Variants in INO80C observed in about 807,000 individuals in gnomAD.
INO80C encodes IES6 homolog.
A neutral mutation model predicts 17.7 loss-of-function variants in INO80C; 17 were observed. The observed-to-expected ratio is 0.96, with a 90% CI of 0.66 to 1.44. The LOEUF is 1.44. INO80C is among the 40% of genes most tolerant of loss of function. INO80C has a pLI of 0.00. For missense variants in INO80C, 244 were observed against 245.0 expected (o/e 1.00, Z 0.03); for synonymous variants, 96 against 95.8 (o/e 1.00, Z -0.01).
intron 3 of INO80C, among the ~76,000 whole-genome samples, chr18:35,478,748 C>T (rs1203868338): frequency 1.3e-5 from 2 of 152,218 alleles, no homozygotes; most frequent in East Asian, 3.8e-4. Context: ...ATGACTAGCT[C>T]ACTTGTCACC....
chr18:35,477,194 A>C (rs1160535663), intron 4 of INO80C, among the ~76,000 whole-genome samples: 1 of 152,244 alleles, frequency 6.6e-6, no homozygotes, highest in Non-Finnish European at 1.5e-5. Flanking sequence ...GAGTGAGCCA[A>C]GAGCGTGCCA....
intron 1 of INO80C, among the ~76,000 whole-genome samples, chr18:35,481,559 T>C (rs1217246494): frequency 6.6e-6 from 1 of 152,212 alleles, no homozygotes; most frequent in Non-Finnish European, 1.5e-5. Flanking sequence ...GCATGTACTC[T>C]AGTGTCTGGA....
rs750655399 is a variant in INO80C, at chr18:35,468,738, T to C, written c.452A>G (p.Asn151Ser). The C allele has an allele frequency of 6.2e-6, 10 of 1,613,842 alleles. No homozygotes were observed. The East Asian group carries it at 1.8e-4, about 29-fold the overall frequency. The change falls in exon 5 of 5, where the codon AAC becomes AGC. Residue 151 changes from asparagine (N) to serine (S), a missense_variant. Asn to Ser is a conservative substitution (Grantham distance 46). Coordinates refer to ENST00000334598, the MANE Select transcript of INO80C (RefSeq NM_194281.4). ...CAGTTTGCTCTGGGGGTCTGTGTAG[T>C]TGGCCTGGGTGAAAAGAGGCACAGG... is the stretch of plus-strand genomic sequence containing the variant. ...KYSDVSGLLANYTDPQSKLRF... is the reference protein window; with the variant it reads ...KYSDVSGLLASYTDPQSKLRF...
At chr18:35,478,502 T>C (rs2045765426) in intron 3 of INO80C, among the ~76,000 whole-genome samples, 153 bp from the exon 4 acceptor site, 1 of 152,012 alleles carries the variant, frequency 6.6e-6, no homozygotes, top group South Asian at 2.1e-4. Context: ...ACTAGAGAAG[T>C]AGGGGAGGAT....
At chr18:35,477,847 T>C (rs1422112338) in intron 4 of INO80C, among the ~76,000 whole-genome samples, 1 of 152,174 alleles carries the variant, frequency 6.6e-6, no homozygotes. Flanking sequence ...TTGGATTCTG[T>C]AAAAGATTTC....
At chr18:35,485,199 T>C (rs2045858679) in intron 1 of INO80C, among the ~76,000 whole-genome samples, 1 of 151,982 alleles carries the variant, frequency 6.6e-6, no homozygotes, top group Admixed American at 6.6e-5. Context: ...ACTGGGGGCA[T>C]GGGGGTACCA....
In INO80C at chr18:35,494,343, T is replaced by G. The variant is rs2045958645; in HGVS notation, c.156+3376A>C. On this transcript the variant is annotated intron_variant, in intron 1 of 4. Coordinates refer to ENST00000334598, the MANE Select transcript of INO80C (RefSeq NM_194281.4). ...TAATCTAGGTGCAGCTACAAAGGGG[T>G]TTTGCAGATGTAATTAAGGTCTCAA... Among the ~76,000 whole-genome samples, 4 of 151,990 alleles carry G rather than the reference T, an allele frequency of 2.6e-5. 1 individual carries two copies. The South Asian group carries it at 8.3e-4, about 31-fold the overall frequency.
intron 4 of INO80C, among the ~76,000 whole-genome samples, chr18:35,471,384 GTTGA>G (rs1296224170): frequency 6.6e-6 from 1 of 152,114 alleles, no homozygotes; most frequent in Non-Finnish European, 1.5e-5. Context: ...GTGTGTGTGT[GTTGA>G]TTTTTATATA....
chr18:35,494,142 T>C (rs762866857), intron 1 of INO80C, among the ~76,000 whole-genome samples: 3 of 152,194 alleles, frequency 2.0e-5, no homozygotes, highest in Non-Finnish European at 4.4e-5. Flanking sequence ...CTCACCACAA[T>C]AGGGCACCAA....
chr18:35,470,580 G>A (rs1281592667), intron 4 of INO80C, among the ~76,000 whole-genome samples: 1 of 152,148 alleles, frequency 6.6e-6, no homozygotes, highest in Non-Finnish European at 1.5e-5. Flanking sequence ...CTCCATAGAC[G>A]AACCAGCCTC....
chr18:35,494,214 G>A (rs2144092724), intron 1 of INO80C, among the ~76,000 whole-genome samples: 1 of 152,250 alleles, frequency 6.6e-6, no homozygotes. Context: ...TCTTCCTAAT[G>A]GTTTCATTTG....
intron 1 of INO80C, among the ~76,000 whole-genome samples, chr18:35,495,015 A>G (rs948249595): frequency 6.6e-6 from 1 of 152,212 alleles, no homozygotes; most frequent in Non-Finnish European, 1.5e-5. Flanking sequence ...TGGGCAAGTG[A>G]CACAGATGAG....
intron 4 of INO80C, among the ~76,000 whole-genome samples, chr18:35,472,644 T>A (rs1265804914): frequency 1.3e-5 from 2 of 152,072 alleles, no homozygotes; most frequent in Non-Finnish European, 2.9e-5. Context: ...GAGGTTTTTC[T>A]TTTTTTTAAT....
At position 35,483,949 on chromosome 18, in the gene INO80C, G is replaced by C. The variant is rs938359557; in HGVS notation, c.157-3386C>G. Among the ~76,000 whole-genome samples, 29 of 152,290 alleles carry C rather than the reference G, an allele frequency of 1.9e-4. 1 individual carries two copies. The highest frequency in any genetic ancestry group is 6.5e-4 in the African/African-American group (27 of 41,560). ...AAAAAATAAATAATAAAATCAACAA[G>C]GATGCGGCAGGGGATAAAAAATAGA... On this transcript the variant is annotated intron_variant, in intron 1 of 4. Transcript: ENST00000334598.
intron 1 of INO80C, among the ~76,000 whole-genome samples, chr18:35,491,231 C>T (rs1471632034): frequency 6.6e-6 from 1 of 152,116 alleles, no homozygotes; most frequent in Non-Finnish European, 1.5e-5. Context: ...AGACAGGGGC[C>T]CTCGTTAGAT....
chr18:35,483,560 T>A (rs1002601177), intron 1 of INO80C: 1 of 152,222 alleles, frequency 6.6e-6, no homozygotes, highest in African/African-American at 2.4e-5. Context: ...TCAGCCTCTG[T>A]CCCTGCTTCT....
At chr18:35,475,301 T>C (rs975362924) in intron 4 of INO80C, among the ~76,000 whole-genome samples, 11 of 151,986 alleles carry the variant, frequency 7.2e-5, no homozygotes. Flanking sequence ...ATCTTAAAAG[T>C]GATGAAAGAA....
intron 1 of INO80C, among the ~76,000 whole-genome samples, chr18:35,486,781 T>A (rs865984789): frequency 1.9e-4 from 24 of 126,102 alleles, no homozygotes; most frequent in African/African-American, 7.2e-4. Flanking sequence ...CAATACCCAA[T>A]TTCTTAAAAA....
At chr18:35,480,312 A>G (rs562947348) in intron 2 of INO80C, 141 bp downstream of exon 2, 5 of 660,870 alleles carry the variant, frequency 7.6e-6, no homozygotes, top group Non-Finnish European at 1.4e-5. Context: ...TCTTGTCCCC[A>G]TCTTGCCCAT....
Sources: gnomAD v4.1 joint callset for allele counts (sites outside exome capture counted in the v4.1 genomes callset) on GRCh38, gnomAD v4.1.1 for gene constraint, MANE v1.5 for transcripts, NCBI Gene and HGNC (gene_info 2026-07-23, HGNC 2026-07-21) for gene names.